The following STS variants were observed in gnomAD, a reference collection of about 807,000 sequenced individuals.
STS encodes the protein steryl-sulfatase.
STS carries 7 observed loss-of-function variants against 26.8 expected under a neutral mutation model. That is an observed-to-expected ratio of 0.26 (90% confidence interval 0.15 to 0.49). STS has a LOEUF of 0.49. STS is among the 20% of genes least tolerant of loss of function. The pLI is 0.98. For synonymous variants in STS, 199 were observed against 189.4 expected, an observed-to-expected ratio of 1.05 and a Z score of -0.42; for missense variants, 434 against 465.6, an observed-to-expected ratio of 0.93 and a Z score of 0.63.
intron 2 of STS, among the ~76,000 whole-genome samples, chrX:7,222,619 T>C (rs1921625361): frequency 9.1e-6 from 1 of 110,374 alleles, no homozygotes; most frequent in African/African-American, 3.3e-5. Flanking sequence ...TTGCTCTATC[T>C]AGACTTTGCA....
intron 9 of STS, among the ~76,000 whole-genome samples, chrX:7,329,548 C>G (rs1283445874): frequency 8.9e-6 from 1 of 112,480 alleles, no homozygotes; most frequent in Non-Finnish European, 1.9e-5. Flanking sequence ...ATAGTCTTAA[C>G]TCCTTCCTGC....
chrX:7,330,877 G>T (rs1601752876), intron 9 of STS, among the ~76,000 whole-genome samples: 3 of 112,161 alleles, frequency 2.7e-5, no homozygotes, highest in Admixed American at 9.4e-5. Flanking sequence ...GAATACTTAA[G>T]ATTCCCTTTA....
intron 2 of STS, among the ~76,000 whole-genome samples, chrX:7,209,680 G>T (rs912469247): frequency 9.7e-6 from 1 of 103,228 alleles, no homozygotes; most frequent in Non-Finnish European, 2.0e-5. Context: ...AAAAAAACTG[G>T]GATACATGTG....
At chrX:7,339,119 A>T (rs928589061) in intron 10 of STS, among the ~76,000 whole-genome samples, 5 of 111,965 alleles carry the variant, frequency 4.5e-5, no homozygotes, top group Non-Finnish European at 7.5e-5. Context: ...CACCTAATAA[A>T]AGAGAAGAAA....
At chrX:7,188,978 G>A (rs1181967746) in intron 1 of STS, among the ~76,000 whole-genome samples, 1 of 111,225 alleles carries the variant, frequency 9.0e-6, no homozygotes, top group African/African-American at 3.3e-5. Flanking sequence ...GAAAAGCCAT[G>A]CTGGAAGATT....
intron 2 of STS, among the ~76,000 whole-genome samples, chrX:7,236,512 T>G (rs1922316128): frequency 8.9e-6 from 1 of 112,364 alleles, no homozygotes; most frequent in Non-Finnish European, 1.9e-5. Context: ...GGGTTTTTAG[T>G]TTTGTAACCC....
intron 7 of STS, among the ~76,000 whole-genome samples, chrX:7,298,899 G>A (rs1200721056): frequency 9.5e-6 from 1 of 105,112 alleles, no homozygotes; most frequent in Non-Finnish European, 1.9e-5. Context: ...TATTAACAGT[G>A]GGTGCCTGTT....
At chrX:7,250,854 G>A (rs1258609394) in intron 2 of STS, among the ~76,000 whole-genome samples, 1 of 111,932 alleles carries the variant, frequency 8.9e-6, no homozygotes, top group African/African-American at 3.2e-5. Flanking sequence ...ATAAAGGTAG[G>A]GAGGAGATGA....
chrX:7,329,841 T>G (rs1927661542), intron 9 of STS, among the ~76,000 whole-genome samples: 1 of 111,933 alleles, frequency 8.9e-6, no homozygotes, highest in Non-Finnish European at 1.9e-5. Flanking sequence ...AGCCCGTGGA[T>G]CCAAGGTTTC....
chrX:7,323,946 C>G (rs926006771), intron 8 of STS, among the ~76,000 whole-genome samples: 1 of 111,314 alleles, frequency 9.0e-6, no homozygotes, highest in Non-Finnish European at 1.9e-5. Context: ...TCCCTCTTTC[C>G]CTTGAAAGAA....
chrX:7,277,299 C>G (rs753718974), intron 7 of STS, among the ~76,000 whole-genome samples: 1 of 111,753 alleles, frequency 8.9e-6, no homozygotes, highest in Non-Finnish European at 1.9e-5. Flanking sequence ...TTCTTCCTTC[C>G]ATTTCTTTTG....
chrX:7,257,422 G>T (rs776225009), intron 4 of STS, 44 bp from the exon 5 acceptor site: 1 of 1,212,125 alleles, frequency 8.2e-7, no homozygotes, highest in East Asian at 3.0e-5. Flanking sequence ...CTCCCACCTC[G>T]AGGTATCTCC....
rs141410506 is a variant in STS, at chrX:7,212,998, A to G, written c.-5+21990A>G. On this transcript the variant is annotated intron_variant, in intron 2 of 10. Transcript: ENST00000674429. The stretch of plus-strand genomic sequence containing the variant: ...CCTGAAAATAAAAGTCAGATTCACA[A>G]AAGAAAAACTGTTGAGCCCAGACTG... Among the ~76,000 whole-genome samples, 987 of 111,743 alleles carry G rather than the reference A, an allele frequency of 8.8e-3. 9 individuals are homozygous for G. The highest frequency in any genetic ancestry group is 0.03 in the African/African-American group (922 of 30,696).
intron 7 of STS, among the ~76,000 whole-genome samples, chrX:7,288,408 A>G (rs1158237661): frequency 5.4e-5 from 6 of 110,939 alleles, no homozygotes; most frequent in African/African-American, 2.0e-4. Flanking sequence ...CCAGCTCAGC[A>G]TCCCTAATCC....
chrX:7,311,651 C>T (rs186968847), intron 8 of STS, among the ~76,000 whole-genome samples: 33 of 111,651 alleles, frequency 3.0e-4, no homozygotes, highest in African/African-American at 1.0e-3. Flanking sequence ...AGTCGGAGCC[C>T]AGCCTGGGCA....
chrX:7,344,711 G>C (rs182940814), intron 10 of STS, among the ~76,000 whole-genome samples: 6 of 111,681 alleles, frequency 5.4e-5, no homozygotes, highest in African/African-American at 2.0e-4. Flanking sequence ...TCTTGTTTTT[G>C]TGGCCTCAGA....
intron 2 of STS, among the ~76,000 whole-genome samples, chrX:7,228,397 G>A (rs995451608): frequency 3.6e-5 from 4 of 111,576 alleles, no homozygotes; most frequent in Non-Finnish European, 5.7e-5. Flanking sequence ...CTTGTTTTTT[G>A]TTTTTTTAAG....
chrX:7,304,333 A>G (rs1926113270), intron 7 of STS, among the ~76,000 whole-genome samples: 1 of 111,727 alleles, frequency 9.0e-6, no homozygotes, highest in Non-Finnish European at 1.9e-5. Flanking sequence ...AACAGAGGGT[A>G]GCAATTATTG....
At chrX:7,302,363 A>C (rs752811171) in intron 7 of STS, among the ~76,000 whole-genome samples, 34 of 111,516 alleles carry the variant, frequency 3.0e-4, no homozygotes, top group Admixed American at 7.6e-4. Flanking sequence ...TTTCAAAGTA[A>C]TTAGGCTTAA....
Sources: gnomAD v4.1 joint callset for allele counts (sites outside exome capture counted in the v4.1 genomes callset) on GRCh38, gnomAD v4.1.1 for gene constraint, MANE v1.5 for transcripts, NCBI Gene and HGNC (gene_info 2026-07-23, HGNC 2026-07-21) for gene names.